The following C16orf96 variants were observed in gnomAD, a reference collection of about 807,000 sequenced individuals.
The protein encoded by C16orf96 is uncharacterized protein C16orf96.
In C16orf96, 108 loss-of-function variants were observed where a neutral mutation model predicts 103.6. That is an observed-to-expected ratio of 1.04 (90% CI 0.89 to 1.22). C16orf96 has a LOEUF of 1.22. C16orf96 is among the 50% of genes most tolerant of loss of function. The pLI is 0.00. For synonymous variants in C16orf96, 566 were observed against 593.5 expected (o/e 0.95, Z 0.67); for missense variants, 1,586 against 1,464.2 (o/e 1.08, Z -1.36).
At chr16:4,587,529 C>CAAAAAAAAA (rs59504956) in intron 8 of C16orf96, among the ~76,000 whole-genome samples, 1 of 118,658 alleles carries the variant, frequency 8.4e-6, no homozygotes, top group Non-Finnish European at 1.7e-5. Context: ...AACTCTGTCT[C>CAAAAAAAAA]AAAAAAAAAA....
the C16orf96 span, among the ~76,000 whole-genome samples, chr16:4,550,107 A>T: frequency 7.0e-6 from 1 of 143,450 alleles, no homozygotes; most frequent in African/African-American, 2.6e-5. Flanking sequence ...TTTTTTTGAG[A>T]CAGTTTCACT....
At chr16:4,559,248 T>C (rs2059302074) in intron 1 of C16orf96, among the ~76,000 whole-genome samples, 2 of 151,300 alleles carry the variant, frequency 1.3e-5, no homozygotes, top group Admixed American at 6.6e-5. Flanking sequence ...CTCTTTCAAA[T>C]TGAGGGGAAA....
chr16:4,595,847 C>T (rs1897160168), intron 14 of C16orf96, among the ~76,000 whole-genome samples: 1 of 152,038 alleles, frequency 6.6e-6, no homozygotes, highest in African/African-American at 2.4e-5. Context: ...GCTGGGATAA[C>T]AGGCACGCAC....
At chr16:4,588,930 C>G (rs1439266386) in intron 9 of C16orf96, among the ~76,000 whole-genome samples, 2 of 152,080 alleles carry the variant, frequency 1.3e-5, no homozygotes, top group East Asian at 1.9e-4. Context: ...GTCCAGCCAC[C>G]TCAGTTGCAA....
At chr16:4,581,814 A>G (rs1395456878) in intron 7 of C16orf96, among the ~76,000 whole-genome samples, 5 of 150,958 alleles carry the variant, frequency 3.3e-5, no homozygotes, top group Admixed American at 3.3e-4. Flanking sequence ...AAATTAGCCA[A>G]GCGTGGTAGC....
rs535280042 is a variant in C16orf96, at chr16:4,591,226, C to T, written c.2593-440C>T. On this transcript the variant is annotated intron_variant, in intron 9 of 15. Transcript: ENST00000444310. The stretch of plus-strand genomic sequence containing the variant: ...AAAATTAAAAATAAATAAATAAATA[C>T]GATTGATTATGATGGTCACACAACT... Among the ~76,000 whole-genome samples, 6 of 152,218 alleles carry T rather than the reference C, an allele frequency of 3.9e-5. No homozygotes were observed. In the South Asian group the frequency reaches 1.0e-3, roughly 26 times the overall value.
At chr16:4,566,403 T>A (rs1424723222) in intron 1 of C16orf96, among the ~76,000 whole-genome samples, 1 of 152,240 alleles carries the variant, frequency 6.6e-6, no homozygotes, top group Non-Finnish European at 1.5e-5. Flanking sequence ...ATTGTAGTTT[T>A]GATTTTCATT....
upstream of C16orf96, among the ~76,000 whole-genome samples, chr16:4,552,001 G>A (rs961576842): frequency 6.6e-6 from 1 of 152,096 alleles, no homozygotes; most frequent in African/African-American, 2.4e-5. Flanking sequence ...TTATGAGTGA[G>A]AATATGCGGT....
At chr16:4,555,584 G>T (rs1352318128), upstream of C16orf96, among the ~76,000 whole-genome samples, 2 of 152,036 alleles carry the variant, frequency 1.3e-5, no homozygotes, top group Non-Finnish European at 2.9e-5. Flanking sequence ...TCTTGGCCAG[G>T]CTAGTCTTGA....
rs757851464 is a variant in C16orf96 at position 4,576,368 on chromosome 16, C to T, written c.1888C>T (p.Arg630Trp). The change falls in exon 5 of 16, where the codon CGG (arginine) becomes TGG (tryptophan). Residue 630 changes from arginine (R) to tryptophan (W), a missense_variant. Transcript: ENST00000444310. ...FADVLGAGPS[R>W]GATESQILGD... ...AGATGTCCTGGGTGCAGGGCCTTCC[C>T]GGGGAGCCACAGAATCCCAGATCTT... 14 of 1,550,900 alleles carry T rather than the reference C, an allele frequency of 9.0e-6. No homozygotes were observed. The highest frequency in any genetic ancestry group is 1.4e-5 in the African/African-American group (1 of 73,184).
the C16orf96 span, among the ~76,000 whole-genome samples, chr16:4,544,718 C>T: frequency 2.0e-5 from 3 of 152,158 alleles, no homozygotes; most frequent in African/African-American, 4.8e-5. Flanking sequence ...GGTCACTGCT[C>T]ATAGTGCCTG....
Position 4,591,723 on chromosome 16 carries a change from G to T in C16orf96, c.2650G>T (p.Val884Phe). Residue 884 changes from valine (V) to phenylalanine (F), a missense_variant, in exon 10 of 16, where the codon GTC becomes TTC. Val to Phe is a conservative substitution (Grantham distance 50). Transcript: ENST00000444310. ...AGAAATGGAAGAGGTCTGGAAAATC[G>T]TCCGGAAGCTGCTGATTGAGGGCTT... ...KKEMEEVWKI[V>F]RKLLIEGLRL... The T allele has an allele frequency of 6.4e-7, 1 of 1,551,658 alleles. No homozygotes were observed. The highest frequency in any genetic ancestry group is 8.7e-7 in the Non-Finnish European group (1 of 1,146,992).
chr16:4,550,195 C>T, the C16orf96 span, among the ~76,000 whole-genome samples: 2 of 151,806 alleles, frequency 1.3e-5, no homozygotes, highest in African/African-American at 2.4e-5. Flanking sequence ...AGCGATTCTC[C>T]TGCCTCAGCC....
intron 1 of C16orf96, among the ~76,000 whole-genome samples, chr16:4,561,861 A>C (rs542731429): frequency 7.9e-5 from 12 of 152,188 alleles, no homozygotes; most frequent in African/African-American, 2.4e-5. Context: ...CGCGAGTCCC[A>C]GTCTGCCTCC....
intron 2 of C16orf96, among the ~76,000 whole-genome samples, chr16:4,573,835 T>G (rs2059468556): frequency 6.6e-6 from 1 of 151,934 alleles, no homozygotes; most frequent in South Asian, 2.1e-4. Flanking sequence ...GTTGTTGTTT[T>G]GTTTTGTATT....
the C16orf96 span, among the ~76,000 whole-genome samples, chr16:4,540,009 A>G: frequency 6.6e-6 from 1 of 152,188 alleles, no homozygotes; most frequent in African/African-American, 2.4e-5. Context: ...AGGGAGACTG[A>G]TTTGAGTAAT....
At chr16:4,554,859 A>G (rs1456540148), upstream of C16orf96, among the ~76,000 whole-genome samples, 6 of 146,628 alleles carry the variant, frequency 4.1e-5, no homozygotes, top group African/African-American at 1.5e-4. Flanking sequence ...TCCATCTCTT[A>G]ACCTCATGAT....
intron 9 of C16orf96, among the ~76,000 whole-genome samples, chr16:4,590,735 T>G (rs943986738): frequency 6.7e-6 from 1 of 148,182 alleles, no homozygotes; most frequent in South Asian, 2.1e-4. Flanking sequence ...ATACAAAGAT[T>G]AGGCTGGGCG....
intron 1 of C16orf96, among the ~76,000 whole-genome samples, chr16:4,559,319 G>C (rs2141690896): frequency 6.6e-6 from 1 of 152,088 alleles, no homozygotes; most frequent in African/African-American, 2.4e-5. Context: ...GAGGCAGGTG[G>C]GTCACTTGAG....
Sources: gnomAD v4.1 joint callset for allele counts (sites outside exome capture counted in the v4.1 genomes callset) on GRCh38, gnomAD v4.1.1 for gene constraint, MANE v1.5 for transcripts, NCBI Gene and HGNC (gene_info 2026-07-23, HGNC 2026-07-21) for gene names.